Variants in SLC6A6 observed in about 807,000 individuals in gnomAD.
SLC6A6 encodes solute carrier family 6 member 6.
Under a neutral mutation model 68.8 loss-of-function variants are expected in SLC6A6, and 16 were observed. That is an observed-to-expected ratio of 0.23 (90% CI 0.16 to 0.35). The LOEUF (loss-of-function observed/expected upper bound fraction) is 0.35, where lower values mean the gene tolerates loss of function less well. SLC6A6 is among the 10% of genes least tolerant of loss of function. The pLI is 1.00. For synonymous variants in SLC6A6, 312 were observed against 315.4 expected (o/e 0.99, Z 0.12); for missense variants, 474 against 802.8 (o/e 0.59, Z 4.95).
chr3:14,436,019 GCCTTT>G (rs1464076397), intron 2 of SLC6A6, among the ~76,000 whole-genome samples: 1 of 152,182 alleles, frequency 6.6e-6, no homozygotes, highest in Non-Finnish European at 1.5e-5. Context: ...GCTTGAGTTA[GCCTTT>G]CCTTGGGAGC....
intron 5 of SLC6A6, among the ~76,000 whole-genome samples, chr3:14,451,275 C>T (rs933737917): frequency 6.6e-6 from 1 of 152,226 alleles, no homozygotes; most frequent in Non-Finnish European, 1.5e-5. Flanking sequence ...CATCCACCTG[C>T]GTGGAGCAGC....
At chr3:14,408,082 A>G (rs1306673217) in intron 1 of SLC6A6, among the ~76,000 whole-genome samples, 2 of 152,106 alleles carry the variant, frequency 1.3e-5, no homozygotes, top group African/African-American at 4.8e-5. Context: ...TTCTATGTGC[A>G]TATTTCTGTA....
intron 13 of SLC6A6, among the ~76,000 whole-genome samples, chr3:14,479,829 G>C (rs1700967703): frequency 6.6e-6 from 1 of 152,240 alleles, no homozygotes; most frequent in South Asian, 2.1e-4. Flanking sequence ...CAGGGTGCCA[G>C]TGAGTGGAAT....
rs370754383 is a variant in SLC6A6 at position 14,436,367 on chromosome 3, A to AT, written c.-11-7248dup. Among the ~76,000 whole-genome samples the AT allele has an allele frequency of 1.4e-3, 208 of 150,688 alleles. 1 individual carries two copies. The highest frequency in any genetic ancestry group is 4.8e-3 in the African/African-American group (197 of 41,074). ...AGGCGCACGTGACCACACCTGGCTA[A>AT]TTTTTTTTTAACTTTTTGTACAGAC... On this transcript the variant is annotated intron_variant, in intron 2 of 14. Coordinates refer to ENST00000622186, the MANE Select transcript of SLC6A6 (RefSeq NM_003043.6).
chr3:14,447,440 C>A, intron 4 of SLC6A6, 142 bp from the exon 5 acceptor site: 1 of 970,918 alleles, frequency 1.0e-6, no homozygotes, highest in Non-Finnish European at 1.6e-6. Context: ...ATCCATTCAC[C>A]CTATAAATAT....
At chr3:14,452,020 G>A (rs887098339) in intron 5 of SLC6A6, among the ~76,000 whole-genome samples, 5 of 152,200 alleles carry the variant, frequency 3.3e-5, no homozygotes, top group Admixed American at 2.0e-4. Flanking sequence ...GGCAGGTGCT[G>A]CTGGCAGGTG....
intron 2 of SLC6A6, among the ~76,000 whole-genome samples, chr3:14,442,346 C>T (rs973689234): frequency 5.3e-5 from 8 of 152,336 alleles, no homozygotes; most frequent in Admixed American, 5.2e-4. Context: ...CCTTTTTATT[C>T]TGCAGATGGG....
chr3:14,435,420 C>T (rs1030608258), intron 2 of SLC6A6, among the ~76,000 whole-genome samples: 2 of 152,222 alleles, frequency 1.3e-5, no homozygotes. Context: ...GGGAGGACCT[C>T]ACCCGAGGAT....
chr3:14,438,794 A>AT (rs1699917907), intron 2 of SLC6A6, among the ~76,000 whole-genome samples: 1 of 152,262 alleles, frequency 6.6e-6, no homozygotes, highest in Admixed American at 6.5e-5. Context: ...CTGAGTGGTT[A>AT]TGCCATTGAC....
chr3:14,459,731 G>A (rs1700452855), intron 6 of SLC6A6, among the ~76,000 whole-genome samples: 1 of 152,088 alleles, frequency 6.6e-6, no homozygotes, highest in East Asian at 1.9e-4. Context: ...CTCAGGCTTA[G>A]GGAGGTCAAG....
Position 14,481,841 on chromosome 3 carries a change from G to A in SLC6A6, c.1722G>A (p.Val574=). 1 of 1,613,668 alleles carries A rather than the reference G, an allele frequency of 6.2e-7. No individual in the cohort carries two copies. The highest frequency in any genetic ancestry group is 2.2e-5 in the East Asian group (1 of 44,856). ...GCCAGACTGAGGGGCCGTTCCTTGTGGTAAGTGCTTGGGCCCAGGGCCAGG... is the reference window on the plus strand; with the variant it reads ...GCCAGACTGAGGGGCCGTTCCTTGTAGTAAGTGCTTGGGCCCAGGGCCAGG... ...RLCQTEGPFL[V]RVKYLLTPRE... The change falls in exon 14 of 15, where the codon GTG becomes GTA. Residue 574 remains valine (V), a splice_region_variant and synonymous_variant. Coordinates refer to ENST00000622186, the MANE Select transcript of SLC6A6 (RefSeq NM_003043.6). The surrounding 1 kb of genome is among the most constrained non-coding windows in gnomAD (Gnocchi z 4.7).
intron 2 of SLC6A6, among the ~76,000 whole-genome samples, chr3:14,424,573 G>T (rs918991296): frequency 6.6e-6 from 1 of 152,090 alleles, no homozygotes; most frequent in Non-Finnish European, 1.5e-5. Flanking sequence ...GGTGGGGTTG[G>T]GTCTGGCTCA....
At chr3:14,442,877 A>G (rs756270021) in intron 2 of SLC6A6, among the ~76,000 whole-genome samples, 6 of 152,228 alleles carry the variant, frequency 3.9e-5, no homozygotes, top group Non-Finnish European at 8.8e-5. Context: ...GGATGGTTAG[A>G]GAAGGGTGGA....
intron 5 of SLC6A6, among the ~76,000 whole-genome samples, chr3:14,456,296 G>A (rs1033490436): frequency 2.6e-5 from 4 of 152,270 alleles, no homozygotes; most frequent in African/African-American, 7.2e-5. Context: ...AGCAAGAAGA[G>A]GGCAAAGAAA....
At chr3:14,447,999 C>A in intron 5 of SLC6A6, 183 bp downstream of exon 5, 1 of 1,399,180 alleles carries the variant, frequency 7.1e-7, no homozygotes, top group Non-Finnish European at 9.4e-7. Flanking sequence ...AGTTCTGCCA[C>A]TTACTGGCTG....
At chr3:14,415,893 T>G (rs1699353551) in intron 1 of SLC6A6, among the ~76,000 whole-genome samples, 1 of 152,136 alleles carries the variant, frequency 6.6e-6, no homozygotes, top group South Asian at 2.1e-4. Context: ...CCTGCGCCCC[T>G]TGGGAATAGT....
intron 2 of SLC6A6, among the ~76,000 whole-genome samples, chr3:14,423,563 C>T (rs943623076): frequency 6.6e-6 from 1 of 152,124 alleles, no homozygotes; most frequent in Non-Finnish European, 1.5e-5. Context: ...GTGACCTGCT[C>T]AAGGTCACAC....
At position 14,487,557 on chromosome 3, in the gene SLC6A6, T is replaced by G. The variant is rs1701204448; in HGVS notation, c.*2550T>G. ...GGTCAGAAATGCTGATGCCCGCACATAGCCCAGCCAGCCAGATCTGGAAAG... is the reference window on the plus strand; with the variant it reads ...GGTCAGAAATGCTGATGCCCGCACAGAGCCCAGCCAGCCAGATCTGGAAAG... On this transcript the variant is annotated 3_prime_UTR_variant, in exon 15 of 15. Transcript: ENST00000622186. The G allele has an allele frequency of 6.6e-6, 1 of 152,282 alleles. No homozygotes were observed. Among genetic ancestry groups the G allele is most frequent in the Non-Finnish European group, 1.5e-5 (1 of 68,082 alleles). 9.4% of individuals were successfully genotyped at this position (152,282 alleles called of 1,614,324 possible).
chr3:14,443,844 C>T lies in SLC6A6; in HGVS notation c.210C>T (p.Leu70=). The T allele has an allele frequency of 6.2e-7, 1 of 1,613,336 alleles. No homozygotes were observed. The highest frequency in any genetic ancestry group is 1.6e-4 in the Middle Eastern group (1 of 6,062). The change falls in exon 3 of 15, where the codon CTC becomes CTT. Residue 70 remains leucine (L), a synonymous_variant. Transcript: ENST00000622186. Reference sequence around the variant, plus strand: ...GCAACGTCTGGCGCTTCCCGTACCTCTGCTACAAGAATGGTGGAGGTGAGC... The same window carrying T: ...GCAACGTCTGGCGCTTCCCGTACCTTTGCTACAAGAATGGTGGAGGTGAGC... ...GLGNVWRFPY[L]CYKNGGGAFL...
Sources: gnomAD v4.1 joint callset for allele counts (sites outside exome capture counted in the v4.1 genomes callset) on GRCh38, gnomAD v4.1.1 for gene constraint, Gnocchi (gnomAD v3.1) non-coding constraint, MANE v1.5 for transcripts, NCBI Gene and HGNC (gene_info 2026-07-23, HGNC 2026-07-21) for gene names.